The following NEK10 variants were observed in gnomAD, a reference collection of about 807,000 sequenced individuals.
The protein encoded by NEK10 is NIMA related kinase 10, also known as serine/threonine-protein kinase Nek10.
In NEK10, 122 loss-of-function variants were observed where a neutral mutation model predicts 159.8. That is an observed-to-expected ratio of 0.76 (90% CI 0.66 to 0.89). The LOEUF (loss-of-function observed/expected upper bound fraction) is 0.89, where lower values mean the gene tolerates loss of function less well. NEK10 is among the 40% of genes least tolerant of loss of function. The probability of loss-of-function intolerance (pLI) is 0.00; values close to 1 mark genes in which losing one functional copy is unlikely to be tolerated. For synonymous variants in NEK10, 466 were observed against 457.1 expected (o/e 1.02, Z -0.25); for missense variants, 1,342 against 1,323.1 (o/e 1.01, Z -0.22).
At chr3:27,311,048 TC>T in intron 8 of NEK10, 32 bp from the exon 9 acceptor site, 2 of 1,420,836 alleles carry the variant, frequency 1.4e-6, no homozygotes, top group Non-Finnish European at 9.9e-7. Context: ...CAAAGAGGCA[TC>T]CAGAGATTAA....
intron 26 of NEK10, among the ~76,000 whole-genome samples, chr3:27,184,898 A>G (rs1414035903): frequency 6.6e-6 from 1 of 152,212 alleles, no homozygotes; most frequent in East Asian, 1.9e-4. Context: ...GCAATTGTAA[A>G]TGACATATGG....
At chr3:27,279,777 T>C (rs1232146791) in intron 22 of NEK10, among the ~76,000 whole-genome samples, 1 of 152,156 alleles carries the variant, frequency 6.6e-6, no homozygotes, top group Non-Finnish European at 1.5e-5. Flanking sequence ...AGCTTCTGTG[T>C]CTGAAGGCTG....
chr3:27,283,021 T>C (rs1278253921), intron 22 of NEK10, among the ~76,000 whole-genome samples: 1 of 152,152 alleles, frequency 6.6e-6, no homozygotes, highest in East Asian at 1.9e-4. Context: ...TATTTCCAAG[T>C]AGCTTTGTAT....
chr3:27,360,870 A>C (rs2048636529), intron 1 of NEK10, among the ~76,000 whole-genome samples: 1 of 152,188 alleles, frequency 6.6e-6, no homozygotes, highest in African/African-American at 2.4e-5. Flanking sequence ...GAGTCAGTAC[A>C]TTTGCCACCT....
intron 3 of NEK10, among the ~76,000 whole-genome samples, chr3:27,348,934 C>T (rs1470643743): frequency 1.3e-5 from 2 of 152,114 alleles, no homozygotes; most frequent in Non-Finnish European, 2.9e-5. Flanking sequence ...GCTAAACCAC[C>T]TTCAGAAAAG....
At chr3:27,185,084 TTAGAA>T (rs1168458567) in intron 26 of NEK10, among the ~76,000 whole-genome samples, 1 of 152,168 alleles carries the variant, frequency 6.6e-6, no homozygotes, top group Non-Finnish European at 1.5e-5. Flanking sequence ...AAATCATAGA[TTAGAA>T]AACTACAATA....
intron 32 of NEK10, among the ~76,000 whole-genome samples, chr3:27,124,191 G>A (rs978687994): frequency 2.0e-5 from 3 of 152,092 alleles, no homozygotes; most frequent in African/African-American, 4.8e-5. Flanking sequence ...TAGATGGTGA[G>A]ACAGAAAACA....
intron 32 of NEK10, among the ~76,000 whole-genome samples, chr3:27,124,225 A>G (rs1941670882): frequency 6.6e-6 from 1 of 152,166 alleles, no homozygotes; most frequent in African/African-American, 2.4e-5. Context: ...GTTTTTGAGT[A>G]TGCTAATAAA....
intron 1 of NEK10, among the ~76,000 whole-genome samples, chr3:27,359,529 C>A (rs1389274247): frequency 6.6e-6 from 1 of 152,196 alleles, no homozygotes; most frequent in Non-Finnish European, 1.5e-5. Context: ...AAAATCATTT[C>A]TCTAATTCCT....
At chr3:27,320,272 T>C (rs1274589089) in intron 6 of NEK10, among the ~76,000 whole-genome samples, 1 of 152,066 alleles carries the variant, frequency 6.6e-6, no homozygotes, top group Non-Finnish European at 1.5e-5. Context: ...AGAATGAGAT[T>C]AAAAAAGACA....
In NEK10 at chr3:27,304,804, G is replaced by T; in HGVS notation, c.971C>A (p.Thr324Asn). ...TCCCCAAATGCGAATTTCCACGCTG[G>T]TCTCAGGGTCCTCACAAACCTGTAC... Reference protein sequence around the residue: ...ILVQVCEDPETSVEIRIWGGI... With the variant: ...ILVQVCEDPENSVEIRIWGGI... Residue 324 changes from threonine (T) to asparagine (N), a missense_variant, in exon 12 of 36, where the codon ACC becomes AAC. Coordinates refer to ENST00000691995, the MANE Select transcript of NEK10 (RefSeq NM_001394966.1). 6.2e-7 allele frequency: 1 copy of T among 1,613,908 alleles called. No individual in the cohort carries two copies. The highest frequency in any genetic ancestry group is 8.5e-7 in the Non-Finnish European group (1 of 1,179,862).
At position 27,174,708 on chromosome 3, in the gene NEK10, G is replaced by A. The variant is rs1246039210; in HGVS notation, c.2631C>T (p.Asp877=). 1.2e-6 allele frequency: 2 copies of A among 1,613,436 alleles called. No homozygotes were observed. Among genetic ancestry groups the A allele is most frequent in the Admixed American group, 3.3e-5 (2 of 59,880 alleles). The change falls in exon 27 of 36, where the codon GAC becomes GAT. Residue 877 remains aspartate, a synonymous_variant. Coordinates refer to ENST00000691995, the MANE Select transcript of NEK10 (RefSeq NM_001394966.1). ...CTGACAGGATTTCGTCACAGGCCCT[G>A]TCTTCGTCTTTACCATAGGAGGCCT... ...GFQASYGKDE[D]RACDEILSDD...
At chr3:27,276,743 A>G (rs1156314428) in intron 22 of NEK10, among the ~76,000 whole-genome samples, 1 of 152,042 alleles carries the variant, frequency 6.6e-6, no homozygotes, top group Admixed American at 6.6e-5. Context: ...AAATCTTTTT[A>G]ATTCTAGGTC....
intron 26 of NEK10, among the ~76,000 whole-genome samples, chr3:27,177,323 C>T (rs1947612007): frequency 6.6e-6 from 1 of 152,028 alleles, no homozygotes; most frequent in Non-Finnish European, 1.5e-5. Context: ...GCAGGTGGAT[C>T]ACGAGGTCAG....
intron 13 of NEK10, 55 bp downstream of exon 13, chr3:27,301,641 G>C: frequency 7.4e-7 from 1 of 1,343,636 alleles, no homozygotes; most frequent in Non-Finnish European, 1.0e-6. Context: ...CTATGATAGT[G>C]AATAATAATA....
At chr3:27,309,597 T>C (rs889760342) in intron 9 of NEK10, 3 of 152,138 alleles carry the variant, frequency 2.0e-5, no homozygotes, top group African/African-American at 7.2e-5. Context: ...CATCCTTCTA[T>C]TTCCATGTGC....
intron 29 of NEK10, among the ~76,000 whole-genome samples, chr3:27,164,376 T>A (rs181736520): frequency 6.6e-6 from 1 of 152,276 alleles, no homozygotes; most frequent in African/African-American, 2.4e-5. Context: ...CTTACCCTTC[T>A]AGATGAAGCT....
At chr3:27,153,302 AG>A (rs1945070574) in intron 30 of NEK10, among the ~76,000 whole-genome samples, 1 of 150,646 alleles carries the variant, frequency 6.6e-6, no homozygotes, top group Non-Finnish European at 1.5e-5. Context: ...CCTGGGCGAC[AG>A]AGCGAGACTC....
At position 27,187,436 on chromosome 3, in the gene NEK10, GT is replaced by G. The variant is rs1348555396; in HGVS notation, c.2505+4592del. Among the ~76,000 whole-genome samples, 3 of 152,198 alleles carry G rather than the reference GT, an allele frequency of 2.0e-5. No individual in the cohort carries two copies. In the South Asian group the frequency reaches 6.2e-4, roughly 32 times the overall value. ...ATGATATATAATTATAGAAAATAAA[GT>G]TTCCATCTTGCACACCAATTTTTAC... On this transcript the variant is annotated intron_variant, in intron 26 of 35. Coordinates refer to ENST00000691995, the MANE Select transcript of NEK10 (RefSeq NM_001394966.1).
Sources: gnomAD v4.1 joint callset for allele counts (sites outside exome capture counted in the v4.1 genomes callset) on GRCh38, gnomAD v4.1.1 for gene constraint, MANE v1.5 for transcripts, NCBI Gene and HGNC (gene_info 2026-07-23, HGNC 2026-07-21) for gene names.